The following KLC2 variants were observed in gnomAD, a reference collection of about 807,000 sequenced individuals.
KLC2 encodes the protein kinesin light chain 2, also known as KLC 2.
KLC2 carries 35 observed loss-of-function variants against 75.1 expected under a neutral mutation model. The ratio of observed to expected loss-of-function variants is 0.47; its 90% confidence interval spans 0.36 to 0.62. The LOEUF is 0.62. Ranked by LOEUF, KLC2 falls within the 20% of genes least tolerant of loss-of-function variation. The pLI, the probability that KLC2 is intolerant of heterozygous loss-of-function variation, is 0.00. For synonymous variants in KLC2, 314 were observed against 336.7 expected (o/e 0.93, Z 0.74); for missense variants, 611 against 833.2 (o/e 0.73, Z 3.28).
rs559108768 is a variant in KLC2 at position 66,266,669 on chromosome 11, G to A, written c.1785+179G>A. Reference sequence around the variant, plus strand: ...AACCCAGCCTCTCCTGGGGGTGGACGTGTAAACGGCCAGTGCTAACACCGT... The same window carrying A: ...AACCCAGCCTCTCCTGGGGGTGGACATGTAAACGGCCAGTGCTAACACCGT... On this transcript the variant is annotated intron_variant, in intron 15 of 15. Coordinates refer to ENST00000394067, the MANE Select transcript of KLC2 (RefSeq NM_001318734.2). 1.7e-4 allele frequency: 140 copies of A among 846,766 alleles called. No homozygotes were observed. The highest frequency in any genetic ancestry group is 6.2e-4 in the South Asian group (44 of 71,336). The allele number at this position is 846,766 out of a possible 1,614,324, so 52.5% of individuals were successfully genotyped here.
chr11:66,253,242 T>G (rs113070518), upstream of KLC2, among the ~76,000 whole-genome samples: 1 of 152,108 alleles, frequency 6.6e-6, no homozygotes, highest in African/African-American at 2.4e-5. Context: ...GTGCTGGGAT[T>G]ACAGACGTGG....
In KLC2 at chr11:66,266,194, C is replaced by A. The variant is rs575314611; in HGVS notation, c.1704C>A (p.Thr568=). 1 of 1,608,846 alleles carries A rather than the reference C, an allele frequency of 6.2e-7. No individual in the cohort carries two copies. Among genetic ancestry groups the A allele is most frequent in the East Asian group, 2.2e-5 (1 of 44,824 alleles). ...TGGTAAAGAAGCTGCAGGGGGGCAC[C>A]CCCCAGGAGCCCCCTAACCCCAGGT... ...EMLVKKLQGG[T]PQEPPNPRMK... The change falls in exon 14 of 16, where the codon ACC becomes ACA. Residue 568 remains threonine (T), a synonymous_variant. Coordinates refer to ENST00000394067, the MANE Select transcript of KLC2 (RefSeq NM_001318734.2).
upstream of KLC2, chr11:66,257,657 G>T (rs1173424875): frequency 6.6e-6 from 1 of 152,234 alleles, no homozygotes. Flanking sequence ...CGCTGGAGCC[G>T]GCCCGGCCCG....
chr11:66,266,257 C>T (rs1856817978), intron 14 of KLC2, 40 bp downstream of exon 14: 3 of 1,569,690 alleles, frequency 1.9e-6, no homozygotes, highest in Admixed American at 3.6e-5. Flanking sequence ...AACCACCCAG[C>T]AACCCCGGAT....
chr11:66,263,280 G>A (rs1565172277), intron 5 of KLC2, among the ~76,000 whole-genome samples: 2 of 152,190 alleles, frequency 1.3e-5, no homozygotes, highest in Admixed American at 1.3e-4. Context: ...TGGAGGAGGG[G>A]CTTTGCCAGA....
intron 7 of KLC2, 29 bp downstream of exon 7, chr11:66,263,981 G>A (rs1418269143): frequency 6.2e-7 from 1 of 1,612,794 alleles, no homozygotes; most frequent in Non-Finnish European, 8.5e-7. Context: ...GGGCAGGCTG[G>A]GGGTCTGGGA....
chr11:66,251,292 G>C, the KLC2 span, among the ~76,000 whole-genome samples: 49 of 137,238 alleles, frequency 3.6e-4, 7 homozygotes, highest in African/African-American at 1.2e-3. Flanking sequence ...AGGAGTTTGA[G>C]ACCAGTCTGG....
upstream of KLC2, among the ~76,000 whole-genome samples, chr11:66,255,487 C>A (rs1855998845): frequency 6.6e-6 from 1 of 151,768 alleles, no homozygotes; most frequent in South Asian, 2.1e-4. Flanking sequence ...CTGAGCCCAG[C>A]CCAACCAGTG....
At chr11:66,261,599 C>G in intron 2 of KLC2, 143 bp from the exon 3 acceptor site, 1 of 604,072 alleles carries the variant, frequency 1.7e-6, no homozygotes, top group African/African-American at 1.9e-5. Flanking sequence ...TCTCCCTTGA[C>G]AAGCAGAGAA....
Position 66,263,748 on chromosome 11 carries a change from G to T in KLC2, c.840+1G>T. On this transcript the variant is annotated splice_donor_variant, in intron 6 of 15. Coordinates refer to ENST00000394067, the MANE Select transcript of KLC2 (RefSeq NM_001318734.2). LOFTEE classifies it high-confidence loss of function. The stretch of plus-strand genomic sequence containing the variant: ...AACACTGGGCAAGGACCACCCAGCC[G>T]TGAGTGAGGGTTGGGTGGGAGGTGG... 1.2e-6 allele frequency: 2 copies of T among 1,611,972 alleles called. No homozygotes were observed. Among genetic ancestry groups the T allele is most frequent in the Non-Finnish European group, 1.7e-6 (2 of 1,178,006 alleles).
Position 66,258,572 on chromosome 11 carries a change from T to G in KLC2, c.-11-12T>G, listed in dbSNP as rs1352800057. The G allele has an allele frequency of 6.3e-7, 1 of 1,583,522 alleles. No individual in the cohort carries two copies. Among genetic ancestry groups the G allele is most frequent in the Non-Finnish European group, 8.7e-7 (1 of 1,154,684 alleles). ...GCCCGGCGCCCGCCTGCCCGCACCC[T>G]CGTCCTCACAGACGCCACAGCCATG... On this transcript the variant is annotated splice_polypyrimidine_tract_variant and intron_variant, in intron 1 of 15. Coordinates refer to ENST00000394067, the MANE Select transcript of KLC2 (RefSeq NM_001318734.2).
Position 66,267,255 on chromosome 11 carries a change from C to CGTCTG in KLC2, c.*299_*300insGTCTG. 1 of 1,390,978 alleles carries CGTCTG rather than the reference C, an allele frequency of 7.2e-7. No homozygotes were observed. The highest frequency in any genetic ancestry group is 1.0e-6 in the Non-Finnish European group (1 of 1,001,516). The allele number at this position is 1,390,978 out of a possible 1,614,324, so 86.2% of individuals were successfully genotyped here. ...GACTCAGTGGCCTGGCCTCCCCAGA[C>CGTCTG]CCCAGAGCCAAGAACACTAAGCACT... On this transcript the variant is annotated 3_prime_UTR_variant, in exon 16 of 16. Coordinates refer to ENST00000394067, the MANE Select transcript of KLC2 (RefSeq NM_001318734.2).
chr11:66,249,163 T>C, the KLC2 span, among the ~76,000 whole-genome samples: 69 of 152,326 alleles, frequency 4.5e-4, no homozygotes, highest in African/African-American at 1.7e-3. Context: ...GATTGTCTGA[T>C]GTTCTTCTCG....
chr11:66,263,851 G>T lies in KLC2; in HGVS notation c.841G>T (p.Val281Leu), dbSNP rs1057055113. 1 of 1,613,862 alleles carries T rather than the reference G, an allele frequency of 6.2e-7. No homozygotes were observed. The highest frequency in any genetic ancestry group is 1.3e-5 in the African/African-American group (1 of 74,942). ...GAAGCTTCCGTTCTCCCACCTCCAG[G>T]TGGCTGCGACACTAAACAACCTGGC... ...EKTLGKDHPA[V>L]AATLNNLAVL... Residue 281 changes from valine (V) to leucine (L), a missense_variant and splice_region_variant, in exon 7 of 16, where the codon GTG (valine) becomes TTG (leucine). Coordinates refer to ENST00000394067, the MANE Select transcript of KLC2 (RefSeq NM_001318734.2).
chr11:66,266,759 C>T, intron 15 of KLC2, 114 bp from the exon 16 acceptor site: 1 of 1,124,468 alleles, frequency 8.9e-7, no homozygotes, highest in Non-Finnish European at 1.3e-6. Context: ...ACTGCCATTG[C>T]CTCTGCCCAG....
In KLC2 at chr11:66,263,900, A is replaced by T. The variant is rs758836382; in HGVS notation, c.890A>T (p.Lys297Met). 1 of 1,614,116 alleles carries T rather than the reference A, an allele frequency of 6.2e-7. No homozygotes were observed. Among genetic ancestry groups the T allele is most frequent in the African/African-American group, 1.3e-5 (1 of 74,948 alleles). ...GCAGTCCTGTATGGCAAGAGGGGCAAGTACAAGGAGGCTGAGCCATTGTGC... is the reference window on the plus strand; with the variant it reads ...GCAGTCCTGTATGGCAAGAGGGGCATGTACAAGGAGGCTGAGCCATTGTGC... ...NLAVLYGKRG[K>M]YKEAEPLCKR... Residue 297 changes from lysine (K) to methionine (M), a missense_variant, in exon 7 of 16, where the codon AAG (lysine) becomes ATG (methionine). Lys to Met is a moderately conservative substitution (Grantham distance 95, BLOSUM62 -1). Coordinates refer to ENST00000394067, the MANE Select transcript of KLC2 (RefSeq NM_001318734.2).
intron 6 of KLC2, 52 bp downstream of exon 6, chr11:66,263,799 C>T: frequency 6.2e-7 from 1 of 1,603,844 alleles, no homozygotes. Flanking sequence ...CCCTGCAGGT[C>T]CCAGAGTCCT....
intron 2 of KLC2, among the ~76,000 whole-genome samples, chr11:66,260,622 A>T (rs1856331392): frequency 6.6e-6 from 1 of 151,670 alleles, no homozygotes. Context: ...TTTTTGAGAC[A>T]GTCTTGCTCT....
chr11:66,260,714 A>G (rs1271792757), intron 2 of KLC2, among the ~76,000 whole-genome samples: 1 of 151,926 alleles, frequency 6.6e-6, no homozygotes, highest in Non-Finnish European at 1.5e-5. Flanking sequence ...CTCCTGCCTC[A>G]GCCTCCTGAG....
Sources: gnomAD v4.1 joint callset for allele counts (sites outside exome capture counted in the v4.1 genomes callset) on GRCh38, gnomAD v4.1.1 for gene constraint, MANE v1.5 for transcripts, NCBI Gene and HGNC (gene_info 2026-07-23, HGNC 2026-07-21) for gene names.